The following GLRA3 variants were observed in gnomAD, a reference collection of about 807,000 sequenced individuals.
GLRA3 encodes the protein glycine receptor alpha 3, also known as glycine receptor subunit alpha-3.
In GLRA3, 44 loss-of-function variants were observed where a neutral mutation model predicts 60.4. The ratio of observed to expected loss-of-function variants is 0.73; its 90% CI spans 0.57 to 0.94. The LOEUF is 0.94. Among genes scored for constraint, GLRA3 ranks in the 40% least tolerant of loss-of-function variants. The pLI is 0.00. For missense variants in GLRA3, 508 were observed against 564.6 expected, an observed-to-expected ratio of 0.90 and a Z score of 1.02; for synonymous variants, 223 against 192.9, an observed-to-expected ratio of 1.16 and a Z score of -1.29.
chr4:174,770,167 A>G (rs1174070496), intron 2 of GLRA3, among the ~76,000 whole-genome samples: 1 of 152,136 alleles, frequency 6.6e-6, no homozygotes, highest in Non-Finnish European at 1.5e-5. Context: ...GGTAGAGGAA[A>G]AATCAATAAA....
rs547232873 is a variant in GLRA3 at position 174,639,542 on chromosome 4, A to C, written c.*4244T>G. The C allele has an allele frequency of 6.6e-6, 1 of 152,184 alleles. No homozygotes were observed. The highest frequency in any genetic ancestry group is 6.6e-5 in the Admixed American group (1 of 15,258). The allele number at this position is 152,184 out of a possible 1,614,324, so 9.4% of individuals were successfully genotyped here. A position where few individuals can be genotyped will look rare whatever the true frequency, so the allele number is the denominator to read the frequency against. ...TATCTCTTGTCCTCATATCTGGAAGAAGCTTCCCCAGGATATTTTTCCCTG... is the reference window on the plus strand; with the variant it reads ...TATCTCTTGTCCTCATATCTGGAAGCAGCTTCCCCAGGATATTTTTCCCTG... On this transcript the variant is annotated 3_prime_UTR_variant, in exon 10 of 10. Transcript: ENST00000274093.
chr4:174,758,417 A>C lies in GLRA3; in HGVS notation c.267+8546T>G, dbSNP rs572626851. Among the ~76,000 whole-genome samples the C allele has an allele frequency of 5.9e-5, 9 of 152,254 alleles. No homozygotes were observed. The South Asian group carries it at 1.7e-3, about 28-fold the overall frequency. ...AAATCTCATAATCTAATCTATTCAT[A>C]AGAAAAATATCTATGAACCCAATTG... On this transcript the variant is annotated intron_variant, in intron 3 of 9. Transcript: ENST00000274093.
In GLRA3 at chr4:174,637,541, C is replaced by T. The variant is rs976020890; in HGVS notation, c.*6245G>A. 5 of 152,176 alleles carry T rather than the reference C, an allele frequency of 3.3e-5. No homozygotes were observed. The highest frequency in any genetic ancestry group is 1.2e-4 in the African/African-American group (5 of 41,452). 9.4% of individuals were successfully genotyped at this position (152,176 alleles called of 1,614,324 possible). ...TTTCCTGCCATTTAAGTCACAGCTC[C>T]CTAGTATTAACCACCCAGGCTGGAT... On this transcript the variant is annotated 3_prime_UTR_variant, in exon 10 of 10. Coordinates refer to ENST00000274093, the MANE Select transcript of GLRA3 (RefSeq NM_006529.4).
chr4:174,706,903 C>T (rs1281831888), intron 5 of GLRA3, among the ~76,000 whole-genome samples: 2 of 152,130 alleles, frequency 1.3e-5, no homozygotes, highest in Non-Finnish European at 2.9e-5. Context: ...AAGATTATAT[C>T]TGTGAACAGG....
At chr4:174,672,713 G>A (rs567024134) in intron 7 of GLRA3, among the ~76,000 whole-genome samples, 1 of 152,236 alleles carries the variant, frequency 6.6e-6, no homozygotes, top group African/African-American at 2.4e-5. Context: ...ACAGTCCTGT[G>A]AGCAAGAAGA....
intron 1 of GLRA3, among the ~76,000 whole-genome samples, chr4:174,821,340 G>T (rs1264912527): frequency 6.6e-6 from 1 of 152,038 alleles, no homozygotes; most frequent in Non-Finnish European, 1.5e-5. Flanking sequence ...GTAAAAAGCT[G>T]CAAAGCCCTA....
intron 6 of GLRA3, among the ~76,000 whole-genome samples, chr4:174,679,541 A>G (rs1734261557): frequency 6.6e-6 from 1 of 152,200 alleles, no homozygotes; most frequent in Non-Finnish European, 1.5e-5. Flanking sequence ...ACTACGGGGT[A>G]TATATCCAAA....
At chr4:174,828,002 G>A (rs985138858) in intron 1 of GLRA3, among the ~76,000 whole-genome samples, 2 of 151,930 alleles carry the variant, frequency 1.3e-5, no homozygotes, top group Non-Finnish European at 2.9e-5. Context: ...CATTAAGAAC[G>A]GGGTAAAATT....
intron 7 of GLRA3, among the ~76,000 whole-genome samples, chr4:174,662,501 T>C (rs1733490838): frequency 6.6e-6 from 1 of 152,218 alleles, no homozygotes; most frequent in South Asian, 2.1e-4. Context: ...AGAACTTGCC[T>C]GTCTTTGTGC....
chr4:174,760,455 T>A lies in GLRA3; in HGVS notation c.267+6508A>T, dbSNP rs1737892095. Among the ~76,000 whole-genome samples, 4 of 152,190 alleles carry A rather than the reference T, an allele frequency of 2.6e-5. No homozygotes were observed. The South Asian group carries it at 8.3e-4, about 32-fold the overall frequency. ...TAATTTCCAAGTAATTACCAAGTTATCTCACTCCTAGGAATATACCCTGTA... is the reference window on the plus strand; with the variant it reads ...TAATTTCCAAGTAATTACCAAGTTAACTCACTCCTAGGAATATACCCTGTA... On this transcript the variant is annotated intron_variant, in intron 3 of 9. Transcript: ENST00000274093.
intron 3 of GLRA3, among the ~76,000 whole-genome samples, chr4:174,750,035 C>A (rs1176501280): frequency 6.6e-6 from 1 of 152,082 alleles, no homozygotes; most frequent in Non-Finnish European, 1.5e-5. Context: ...TTTCTTATAT[C>A]CCACCTCAAC....
intron 1 of GLRA3, among the ~76,000 whole-genome samples, chr4:174,802,270 G>C: frequency 6.6e-6 from 1 of 152,010 alleles, no homozygotes; most frequent in South Asian, 2.1e-4. Flanking sequence ...TTTTGAATAA[G>C]CATAGAAATT....
intron 6 of GLRA3, among the ~76,000 whole-genome samples, chr4:174,679,684 G>T (rs1734267842): frequency 6.6e-6 from 1 of 152,126 alleles, no homozygotes; most frequent in African/African-American, 2.4e-5. Flanking sequence ...ATACACAATG[G>T]AATATTATTC....
At chr4:174,659,303 G>A in intron 7 of GLRA3, 106 bp from the exon 8 acceptor site, 4 of 758,816 alleles carry the variant, frequency 5.3e-6, no homozygotes, top group Non-Finnish European at 6.1e-6. Flanking sequence ...TTATACATAA[G>A]TTTTAAAAAA....
chr4:174,699,032 T>C (rs1322710505), intron 5 of GLRA3, among the ~76,000 whole-genome samples: 2 of 151,746 alleles, frequency 1.3e-5, no homozygotes, highest in African/African-American at 4.8e-5. Context: ...GGGTCTTGCT[T>C]TGTTGCCCGG....
intron 1 of GLRA3, among the ~76,000 whole-genome samples, chr4:174,811,855 A>C (rs1215322750): frequency 6.6e-6 from 1 of 152,166 alleles, no homozygotes; most frequent in African/African-American, 2.4e-5. Flanking sequence ...CCAAAAGGTC[A>C]CTGAGCATGA....
intron 9 of GLRA3, among the ~76,000 whole-genome samples, chr4:174,650,897 A>G (rs563333935): frequency 3.2e-4 from 48 of 152,330 alleles, no homozygotes; most frequent in African/African-American, 1.2e-3. Flanking sequence ...AGTATCAACA[A>G]GAGAAAACTT....
At chr4:174,724,155 T>C (rs1351989103) in intron 4 of GLRA3, among the ~76,000 whole-genome samples, 6 of 151,910 alleles carry the variant, frequency 3.9e-5, no homozygotes, top group African/African-American at 1.4e-4. Flanking sequence ...CACTCAGGTC[T>C]ATCTCATGCA....
chr4:174,813,692 CTCTT>C (rs1172796804), intron 1 of GLRA3, among the ~76,000 whole-genome samples: 2 of 152,308 alleles, frequency 1.3e-5, no homozygotes, highest in East Asian at 3.9e-4. Context: ...CTATTCTAAC[CTCTT>C]TCTATTTAGT....
Sources: gnomAD v4.1 joint callset for allele counts (sites outside exome capture counted in the v4.1 genomes callset) on GRCh38, gnomAD v4.1.1 for gene constraint, MANE v1.5 for transcripts, NCBI Gene and HGNC (gene_info 2026-07-23, HGNC 2026-07-21) for gene names.